SHROOM3: variants seen among roughly 807,000 people sequenced by gnomAD.
The protein encoded by SHROOM3 is shroom family member 3.
SHROOM3 carries 47 observed loss-of-function variants against 138.6 expected under a neutral mutation model. That is an observed-to-expected ratio of 0.34 (90% CI 0.27 to 0.43). The LOEUF (loss-of-function observed/expected upper bound fraction) is 0.43. Among genes scored for constraint, SHROOM3 ranks in the 20% least tolerant of loss-of-function variants. The pLI, the probability that SHROOM3 is intolerant of heterozygous loss-of-function variation, is 1.00. For missense variants in SHROOM3, 2,491 were observed against 2,596.5 expected, an observed-to-expected ratio of 0.96 and a Z score of 0.88; for synonymous variants, 1,062 against 1,063.3, an observed-to-expected ratio of 1.00 and a Z score of 0.02.
intron 1 of SHROOM3, among the ~76,000 whole-genome samples, chr4:76,532,521 TG>T (rs1423755363): frequency 3.0e-4 from 46 of 152,280 alleles, no homozygotes; most frequent in African/African-American, 1.0e-3. Flanking sequence ...CCAGAAACCA[TG>T]GACAGTACCG....
chr4:76,622,928 C>G (rs1195048511), intron 2 of SHROOM3, among the ~76,000 whole-genome samples: 1 of 152,188 alleles, frequency 6.6e-6, no homozygotes, highest in Non-Finnish European at 1.5e-5. Flanking sequence ...AGACAGCTTC[C>G]TTCCAACTTT....
chr4:76,493,453 C>T (rs1277704646), intron 1 of SHROOM3, among the ~76,000 whole-genome samples: 3 of 152,006 alleles, frequency 2.0e-5, no homozygotes, highest in Non-Finnish European at 4.4e-5. Flanking sequence ...TGGCCTGAGC[C>T]TAAATTGCTC....
intron 2 of SHROOM3, among the ~76,000 whole-genome samples, chr4:76,611,493 C>T (rs1054625730): frequency 3.3e-5 from 5 of 152,052 alleles, no homozygotes; most frequent in Non-Finnish European, 4.4e-5. Context: ...AGTGAGAAAA[C>T]GGTGGGGTGA....
chr4:76,733,992 G>A (rs1720957218), intron 4 of SHROOM3, among the ~76,000 whole-genome samples: 1 of 152,088 alleles, frequency 6.6e-6, no homozygotes, highest in Non-Finnish European at 1.5e-5. Flanking sequence ...TGGTTCTAAA[G>A]TACTAAAGTA....
intron 2 of SHROOM3, among the ~76,000 whole-genome samples, chr4:76,627,423 AG>A (rs1735178206): frequency 6.6e-6 from 1 of 152,176 alleles, no homozygotes; most frequent in African/African-American, 2.4e-5. Context: ...ATTAAGTTTC[AG>A]GTCTTGTAGA....
intron 2 of SHROOM3, among the ~76,000 whole-genome samples, chr4:76,633,656 C>CAAA (rs869138315): frequency 1.5e-4 from 13 of 88,726 alleles, no homozygotes; most frequent in Admixed American, 5.2e-4. Flanking sequence ...GACTCCGTCT[C>CAAA]AAAAAAAAAA....
At chr4:76,572,955 G>T (rs1439859506) in intron 2 of SHROOM3, among the ~76,000 whole-genome samples, 3 of 151,946 alleles carry the variant, frequency 2.0e-5, no homozygotes, top group African/African-American at 7.3e-5. Flanking sequence ...GGTAGCACAC[G>T]CCTGTAGTCC....
At chr4:76,544,041 TG>T (rs1161419566) in intron 1 of SHROOM3, among the ~76,000 whole-genome samples, 1 of 152,228 alleles carries the variant, frequency 6.6e-6, no homozygotes, top group Non-Finnish European at 1.5e-5. Flanking sequence ...AACAACTTCC[TG>T]TTTTTATATT....
chr4:76,520,420 G>A (rs926311726), intron 1 of SHROOM3, among the ~76,000 whole-genome samples: 4 of 150,876 alleles, frequency 2.7e-5, no homozygotes, highest in Non-Finnish European at 5.9e-5. Flanking sequence ...GGTGTTCTAA[G>A]CTATATATAT....
chr4:76,544,457 C>G (rs1579225635), intron 1 of SHROOM3, among the ~76,000 whole-genome samples: 2 of 126,624 alleles, frequency 1.6e-5, no homozygotes, highest in Admixed American at 2.0e-4. Context: ...CACTCTGTGG[C>G]CCAGGCTGGG....
intron 1 of SHROOM3, among the ~76,000 whole-genome samples, chr4:76,497,897 A>G (rs1194547736): frequency 6.6e-6 from 1 of 152,162 alleles, no homozygotes; most frequent in Non-Finnish European, 1.5e-5. Flanking sequence ...AAGATAAAAT[A>G]AAATAAAAAT....
At chr4:76,587,228 G>T (rs1268223734) in intron 2 of SHROOM3, 1 of 152,146 alleles carries the variant, frequency 6.6e-6, no homozygotes, top group Non-Finnish European at 1.5e-5. Context: ...CACCGTATTT[G>T]TAACTTGAGG....
chr4:76,513,098 A>C (rs949129273), intron 1 of SHROOM3, among the ~76,000 whole-genome samples: 3 of 152,204 alleles, frequency 2.0e-5, no homozygotes. Context: ...GCAGTAGGTT[A>C]ACTTTGTGTC....
At chr4:76,713,311 T>G (rs535320099) in intron 3 of SHROOM3, among the ~76,000 whole-genome samples, 6 of 152,350 alleles carry the variant, frequency 3.9e-5, no homozygotes, top group Admixed American at 6.5e-5. Flanking sequence ...TATATCCTTA[T>G]CCTAAAAGCT....
At chr4:76,569,367 G>C (rs150692456) in intron 2 of SHROOM3, among the ~76,000 whole-genome samples, 1 of 152,118 alleles carries the variant, frequency 6.6e-6, no homozygotes, top group Non-Finnish European at 1.5e-5. Flanking sequence ...CCTCCAGAGG[G>C]GTCATTTTGG....
chr4:76,742,090 C>T (rs1721278288), intron 5 of SHROOM3, 164 bp downstream of exon 5: 2 of 903,088 alleles, frequency 2.2e-6, no homozygotes, highest in East Asian at 5.3e-5. Flanking sequence ...TCTCAAGTGT[C>T]CCTTACCTGG....
chr4:76,483,769 T>TA (rs1426341457), intron 1 of SHROOM3, among the ~76,000 whole-genome samples: 1 of 151,948 alleles, frequency 6.6e-6, no homozygotes. Context: ...ACAGACTGGA[T>TA]AAAAAAATAT....
At chr4:76,632,503 G>C (rs1283388484) in intron 2 of SHROOM3, among the ~76,000 whole-genome samples, 1 of 152,176 alleles carries the variant, frequency 6.6e-6, no homozygotes, top group Non-Finnish European at 1.5e-5. Context: ...AGGGGTCCAT[G>C]ACATAAACAC....
intron 10 of SHROOM3, among the ~76,000 whole-genome samples, chr4:76,775,321 G>GGTGTGTGTGTGTGTGTGT (rs57294282): frequency 9.4e-5 from 14 of 149,216 alleles, no homozygotes; most frequent in Middle Eastern, 3.4e-3. Flanking sequence ...TAGTCCATGG[G>GGTGTGTGTGTGTGTGTGT]GTGTGTGTGT....
Sources: allele counts gnomAD v4.1 joint callset (sites outside exome capture counted in the v4.1 genomes callset), GRCh38; gene constraint gnomAD v4.1.1; transcripts MANE v1.5; gene names NCBI Gene and HGNC (gene_info 2026-07-23, HGNC 2026-07-21).